The following ETV6 variants were observed in gnomAD, a reference collection of about 807,000 sequenced individuals.
The protein encoded by ETV6 is transcription factor ETV6.
In ETV6, 16 loss-of-function variants were observed where a neutral mutation model predicts 51.1. That is an observed-to-expected ratio of 0.31 (90% confidence interval 0.21 to 0.48). The LOEUF (loss-of-function observed/expected upper bound fraction) is 0.48, where lower values mean the gene tolerates loss of function less well. Among genes scored for constraint, ETV6 ranks in the 20% least tolerant of loss-of-function variants. The pLI is 0.99. For synonymous variants in ETV6, 240 were observed against 224.1 expected (o/e 1.07, Z -0.64); for missense variants, 458 against 594.8 (o/e 0.77, Z 2.39).
chr12:11,689,805 T>TC (rs1190370416), intron 1 of ETV6, among the ~76,000 whole-genome samples: 847 of 40,740 alleles, frequency 0.021, no homozygotes, highest in Admixed American at 0.036. Flanking sequence ...GGAGTCTTTT[T>TC]CCCTCCCCCC....
chr12:11,838,192 A>C (rs1946342781), intron 2 of ETV6, among the ~76,000 whole-genome samples: 1 of 152,226 alleles, frequency 6.6e-6, no homozygotes, highest in South Asian at 2.1e-4. Flanking sequence ...CTAAGAAAGA[A>C]TGAGAGCGAA....
At chr12:11,724,811 C>G (rs1682372798) in intron 1 of ETV6, among the ~76,000 whole-genome samples, 1 of 152,166 alleles carries the variant, frequency 6.6e-6, no homozygotes, top group African/African-American at 2.4e-5. Context: ...TTGCACGAGA[C>G]CCTTGCAGGT....
At chr12:11,830,387 G>T (rs1946224408) in intron 2 of ETV6, among the ~76,000 whole-genome samples, 1 of 152,218 alleles carries the variant, frequency 6.6e-6, no homozygotes, top group Admixed American at 6.5e-5. Flanking sequence ...TGGAGTTTTG[G>T]TCTTAGGTTC....
chr12:11,756,998 C>G (rs1411412509), intron 2 of ETV6, among the ~76,000 whole-genome samples: 2 of 152,150 alleles, frequency 1.3e-5, no homozygotes, highest in Non-Finnish European at 2.9e-5. Context: ...ATTTGGCCTT[C>G]TAAAATCCCT....
At chr12:11,770,089 G>A (rs978468151) in intron 2 of ETV6, among the ~76,000 whole-genome samples, 4 of 152,186 alleles carry the variant, frequency 2.6e-5, no homozygotes, top group African/African-American at 9.7e-5. Context: ...TCATAAGTAA[G>A]TTTGAGTTAT....
intron 2 of ETV6, among the ~76,000 whole-genome samples, chr12:11,760,878 A>G (rs549660397): frequency 1.3e-3 from 188 of 148,520 alleles, no homozygotes; most frequent in African/African-American, 3.3e-3. Flanking sequence ...TATTATATAT[A>G]TGTGTGTGTG....
intron 1 of ETV6, among the ~76,000 whole-genome samples, chr12:11,742,059 A>C (rs984099839): frequency 6.6e-6 from 1 of 152,232 alleles, no homozygotes; most frequent in African/African-American, 2.4e-5. Context: ...CATATTTTCT[A>C]TGTACTGTTG....
intron 2 of ETV6, among the ~76,000 whole-genome samples, chr12:11,804,587 T>C (rs1011079523): frequency 1.1e-4 from 16 of 152,234 alleles, no homozygotes; most frequent in African/African-American, 3.6e-4. Flanking sequence ...TCCCTCACCT[T>C]ATCCAGGCCT....
intron 1 of ETV6, among the ~76,000 whole-genome samples, chr12:11,748,661 T>C (rs545049020): frequency 1.3e-5 from 2 of 152,138 alleles, no homozygotes; most frequent in East Asian, 3.9e-4. Flanking sequence ...TGAGGGTGGG[T>C]GTGGGGGAAC....
intron 1 of ETV6, among the ~76,000 whole-genome samples, chr12:11,726,229 G>A (rs1865485745): frequency 6.6e-6 from 1 of 152,224 alleles, no homozygotes; most frequent in Non-Finnish European, 1.5e-5. Flanking sequence ...CAAGGGGTAT[G>A]TTTGGAAGAA....
intron 2 of ETV6, among the ~76,000 whole-genome samples, chr12:11,759,616 C>T (rs1449679743): frequency 6.6e-6 from 1 of 152,218 alleles, no homozygotes; most frequent in Non-Finnish European, 1.5e-5. Flanking sequence ...CTGTCCGTTG[C>T]TTCCTCTTGG....
intron 1 of ETV6, among the ~76,000 whole-genome samples, chr12:11,705,549 T>G (rs1865058840): frequency 6.6e-6 from 1 of 152,244 alleles, no homozygotes; most frequent in South Asian, 2.1e-4. Context: ...AATAATAACT[T>G]GATTTAGTCT....
At chr12:11,831,616 C>T (rs1308737009) in intron 2 of ETV6, among the ~76,000 whole-genome samples, 1 of 152,190 alleles carries the variant, frequency 6.6e-6, no homozygotes, top group Non-Finnish European at 1.5e-5. Context: ...GGGAATATCA[C>T]CTACAATTTT....
chr12:11,726,432 G>A (rs1865491210), intron 1 of ETV6, among the ~76,000 whole-genome samples: 1 of 152,112 alleles, frequency 6.6e-6, no homozygotes, highest in Non-Finnish European at 1.5e-5. Context: ...AATGAAAATG[G>A]CATGATTCCT....
intron 1 of ETV6, among the ~76,000 whole-genome samples, chr12:11,734,264 G>C (rs1311097802): frequency 6.6e-6 from 1 of 152,060 alleles, no homozygotes; most frequent in Non-Finnish European, 1.5e-5. Context: ...ATGTAATTAG[G>C]TGATAGCTTG....
intron 4 of ETV6, among the ~76,000 whole-genome samples, chr12:11,857,309 A>T (rs1453624701): frequency 6.6e-6 from 1 of 152,210 alleles, no homozygotes; most frequent in Admixed American, 6.5e-5. Flanking sequence ...GAAGCTAGGA[A>T]GTTGGTGTTA....
chr12:11,776,033 T>C (rs1287548538), intron 2 of ETV6, among the ~76,000 whole-genome samples: 1 of 152,252 alleles, frequency 6.6e-6, no homozygotes, highest in Non-Finnish European at 1.5e-5. Flanking sequence ...CTAATTGTGC[T>C]TGATGGTGAT....
intron 2 of ETV6, among the ~76,000 whole-genome samples, chr12:11,808,854 A>T (rs1945869269): frequency 6.6e-6 from 1 of 152,154 alleles, no homozygotes; most frequent in South Asian, 2.1e-4. Flanking sequence ...TTCATTGATG[A>T]CAGGATGACC....
At chr12:11,752,772 C>G (rs1360883695) in intron 2 of ETV6, 193 bp downstream of exon 2, 2 of 534,148 alleles carry the variant, frequency 3.7e-6, no homozygotes, top group Non-Finnish European at 6.3e-6. Context: ...TTCCTTGTTT[C>G]TCAGTGTATT....
Sources: gnomAD v4.1 joint callset for allele counts (sites outside exome capture counted in the v4.1 genomes callset) on GRCh38, gnomAD v4.1.1 for gene constraint, MANE v1.5 for transcripts, NCBI Gene and HGNC (gene_info 2026-07-23, HGNC 2026-07-21) for gene names.